Variants in STAU2 observed in about 807,000 individuals in gnomAD.
The protein encoded by STAU2 is double-stranded RNA-binding protein Staufen homolog 2.
STAU2 carries 20 observed loss-of-function variants against 65.9 expected under a neutral mutation model. The observed-to-expected ratio is 0.30, with a 90% confidence interval of 0.21 to 0.44. The LOEUF (loss-of-function observed/expected upper bound fraction) is 0.44, where lower values mean the gene tolerates loss of function less well. STAU2 is among the 20% of genes least tolerant of loss of function. The pLI, the probability that STAU2 is intolerant of heterozygous loss-of-function variation, is 1.00. For synonymous variants in STAU2, 232 were observed against 233.9 expected, an observed-to-expected ratio of 0.99 and a Z score of 0.07; for missense variants, 558 against 683.9, an observed-to-expected ratio of 0.82 and a Z score of 2.05.
At chr8:73,591,325 C>CG (rs528943372) in intron 11 of STAU2, among the ~76,000 whole-genome samples, 10 of 150,830 alleles carry the variant, frequency 6.6e-5, no homozygotes, top group Non-Finnish European at 1.3e-4. Flanking sequence ...AGAGTAAGTG[C>CG]GGGGAAAAAA....
At chr8:73,430,595 A>C (rs1156928775) in intron 13 of STAU2, among the ~76,000 whole-genome samples, 2 of 152,222 alleles carry the variant, frequency 1.3e-5, no homozygotes, top group Non-Finnish European at 2.9e-5. Flanking sequence ...GTATATACTG[A>C]AGCTGGCAAG....
chr8:73,741,509 CTTTT>C (rs1164375714), intron 1 of STAU2, among the ~76,000 whole-genome samples: 10 of 144,994 alleles, frequency 6.9e-5, no homozygotes, highest in Non-Finnish European at 1.2e-4. Flanking sequence ...AAGTTCTAAC[CTTTT>C]TTTTTTTCTT....
chr8:73,613,460 G>C (rs1249445925), intron 9 of STAU2, among the ~76,000 whole-genome samples: 1 of 152,068 alleles, frequency 6.6e-6, no homozygotes, highest in African/African-American at 2.4e-5. Flanking sequence ...GGTCATGAGG[G>C]GGATTATAGT....
At chr8:73,490,567 G>T (rs1422273932) in intron 13 of STAU2, among the ~76,000 whole-genome samples, 2 of 151,976 alleles carry the variant, frequency 1.3e-5, no homozygotes, top group East Asian at 3.9e-4. Context: ...TTTTAACTCT[G>T]CAATCAAAGA....
At chr8:73,651,509 C>T in intron 6 of STAU2, 2 of 749,040 alleles carry the variant, frequency 2.7e-6, no homozygotes, top group South Asian at 2.7e-5. Flanking sequence ...GCACGCACCC[C>T]TGGCTTTCCA....
rs1471719487 is a variant in STAU2, at chr8:73,647,779, T to C, written c.410+25328A>G. On this transcript the variant is annotated intron_variant, in intron 6 of 14. Transcript: ENST00000524300. ...TATTTTTGTAGAGATAGGATCTCAC[T>C]ATGTTGCCCAGGCTGGTCTCACACT... Among the ~76,000 whole-genome samples, 4 of 152,074 alleles carry C rather than the reference T, an allele frequency of 2.6e-5. 1 individual carries two copies. Among genetic ancestry groups the C allele is most frequent in the Admixed American group, 2.6e-4 (4 of 15,264 alleles).
chr8:73,718,674 T>A (rs1162068628), intron 3 of STAU2, among the ~76,000 whole-genome samples: 1 of 152,246 alleles, frequency 6.6e-6, no homozygotes, highest in East Asian at 1.9e-4. Context: ...AATCCATGAA[T>A]AATGAGAATC....
intron 13 of STAU2, among the ~76,000 whole-genome samples, chr8:73,442,821 G>A (rs567234180): frequency 2.8e-4 from 43 of 152,286 alleles, no homozygotes; most frequent in African/African-American, 9.9e-4. Flanking sequence ...TGTATTACGA[G>A]ACAGAGAATT....
chr8:73,746,887 CCCCGCCTCCG>C (rs1184036546), upstream of STAU2: 1,894 of 1,152,474 alleles, frequency 1.6e-3, 1 homozygote, highest in African/African-American at 2.4e-3. Flanking sequence ...GCTCCCCGCC[CCCCGCCTCCG>C]CCCGCCTCCG....
intron 13 of STAU2, among the ~76,000 whole-genome samples, chr8:73,497,644 T>C (rs4737387): frequency 0.8 from 121,685 of 151,598 alleles, 49,683 homozygotes; most frequent in East Asian, 0.94. Context: ...ATTACACTTG[T>C]AATAGAACCT....
At position 73,575,822 on chromosome 8, in the gene STAU2, A is replaced by AC. The variant is rs1326436574; in HGVS notation, c.1222+6947_1222+6948insG. Among the ~76,000 whole-genome samples the AC allele has an allele frequency of 8.3e-4, 12 of 14,390 alleles. No individual in the cohort carries two copies. The South Asian group carries it at 0.011, about 13-fold the overall frequency. The allele number at this position is 14,390 out of a possible 152,430, so 9.4% of individuals were successfully genotyped here. The stretch of plus-strand genomic sequence containing the variant: ...ATAAATTCTGGGACAATACACACAC[A>AC]AAAAACCACAAGTTACCTGCTTGAA... On this transcript the variant is annotated intron_variant, in intron 12 of 14. Transcript: ENST00000524300.
At chr8:73,689,829 T>C (rs1402019845) in intron 4 of STAU2, among the ~76,000 whole-genome samples, 2 of 152,136 alleles carry the variant, frequency 1.3e-5, no homozygotes, top group Non-Finnish European at 2.9e-5. Context: ...ATTGACGTCA[T>C]GTGCCCCCTG....
At chr8:73,617,965 T>C (rs575338860) in intron 6 of STAU2, among the ~76,000 whole-genome samples, 1 of 152,356 alleles carries the variant, frequency 6.6e-6, no homozygotes, top group Non-Finnish European at 1.5e-5. Flanking sequence ...GGAAGTGTTA[T>C]ATTCATACAT....
rs551679343 is a variant in STAU2, at chr8:73,469,311, T to G, written c.1531-46609A>C. ...CACACACCAGGGCCTGTTGTGGGGT[T>G]GGGGGAGTGGGGAGGGATAGCATTA... On this transcript the variant is annotated intron_variant, in intron 13 of 14. Transcript: ENST00000524300. Among the ~76,000 whole-genome samples the G allele has an allele frequency of 4.4e-3, 667 of 151,624 alleles. 6 individuals carry two copies. Among genetic ancestry groups the G allele is most frequent in the African/African-American group, 0.015 (623 of 41,284 alleles).
At chr8:73,645,668 A>T (rs1332396478) in intron 6 of STAU2, among the ~76,000 whole-genome samples, 2 of 152,164 alleles carry the variant, frequency 1.3e-5, no homozygotes, top group Non-Finnish European at 2.9e-5. Context: ...AAATTATAAG[A>T]AGAGTTTTAA....
At chr8:73,436,286 G>T (rs1342496487) in intron 13 of STAU2, among the ~76,000 whole-genome samples, 2 of 151,752 alleles carry the variant, frequency 1.3e-5, no homozygotes, top group Non-Finnish European at 2.9e-5. Flanking sequence ...GTTTCTCTCA[G>T]TGGGTGAGGG....
At chr8:73,744,412 A>C (rs1807129534) in intron 1 of STAU2, among the ~76,000 whole-genome samples, 1 of 151,850 alleles carries the variant, frequency 6.6e-6, no homozygotes, top group African/African-American at 2.4e-5. Flanking sequence ...TGTACCTATA[A>C]ATGATCAGAT....
chr8:73,468,813 T>G (rs1819808772), intron 13 of STAU2, among the ~76,000 whole-genome samples: 1 of 152,140 alleles, frequency 6.6e-6, no homozygotes, highest in South Asian at 2.1e-4. Context: ...CGACAGGTGC[T>G]GGAGAGGATG....
chr8:73,430,434 G>C (rs888385106), intron 13 of STAU2, among the ~76,000 whole-genome samples: 10 of 152,120 alleles, frequency 6.6e-5, no homozygotes, highest in African/African-American at 2.4e-4. Context: ...CAAGGAATCA[G>C]GGCTCTCCTC....
Sources: gnomAD v4.1 joint callset for allele counts (sites outside exome capture counted in the v4.1 genomes callset) on GRCh38, gnomAD v4.1.1 for gene constraint, MANE v1.5 for transcripts, NCBI Gene and HGNC (gene_info 2026-07-23, HGNC 2026-07-21) for gene names.